Variants in ITGBL1 observed in about 807,000 individuals in gnomAD.
ITGBL1 encodes the protein integrin beta-like protein 1.
A neutral mutation model predicts 68.5 loss-of-function variants in ITGBL1; 51 were observed. That is an observed-to-expected ratio of 0.74 (90% CI 0.59 to 0.94). The LOEUF is 0.94. Among genes scored for constraint, ITGBL1 ranks in the 40% least tolerant of loss-of-function variants. ITGBL1 has a pLI of 0.00. For synonymous variants in ITGBL1, 209 were observed against 227.3 expected (o/e 0.92, Z 0.72); for missense variants, 649 against 647.4 (o/e 1.00, Z -0.03).
At chr13:101,583,117 C>A in intron 5 of ITGBL1, 99 bp from the exon 6 acceptor site, 2 of 1,247,408 alleles carry the variant, frequency 1.6e-6, no homozygotes, top group Non-Finnish European at 1.1e-6. Context: ...GTGTTTTTTT[C>A]AAACACAAAG....
At chr13:101,660,978 A>G (rs1336501233) in intron 7 of ITGBL1, among the ~76,000 whole-genome samples, 6 of 152,234 alleles carry the variant, frequency 3.9e-5, no homozygotes, top group Non-Finnish European at 5.9e-5. Flanking sequence ...CAGATGCTCT[A>G]TAGTCTTTTC....
intron 7 of ITGBL1, among the ~76,000 whole-genome samples, chr13:101,637,255 A>T (rs1280449210): frequency 6.6e-6 from 1 of 151,990 alleles, no homozygotes; most frequent in Non-Finnish European, 1.5e-5. Flanking sequence ...AAATTTGTGT[A>T]TGTATGTAAC....
At chr13:101,508,152 T>C (rs2049055712) in intron 2 of ITGBL1, among the ~76,000 whole-genome samples, 2 of 152,194 alleles carry the variant, frequency 1.3e-5, no homozygotes, top group Non-Finnish European at 2.9e-5. Flanking sequence ...TGTAATTATT[T>C]ATTTATGTCT....
intron 7 of ITGBL1, among the ~76,000 whole-genome samples, chr13:101,648,486 GT>G (rs1318549541): frequency 1.3e-5 from 2 of 152,152 alleles, no homozygotes; most frequent in Non-Finnish European, 2.9e-5. Context: ...CTTTCTCCCA[GT>G]GATCGAGGAC....
chr13:101,679,035 T>C (rs2033577834), intron 7 of ITGBL1, among the ~76,000 whole-genome samples: 1 of 151,960 alleles, frequency 6.6e-6, no homozygotes, highest in African/African-American at 2.4e-5. Context: ...GCCTCCCAAG[T>C]AGCTAGGATT....
intron 6 of ITGBL1, among the ~76,000 whole-genome samples, chr13:101,585,931 GA>G (rs2050548730): frequency 6.6e-6 from 1 of 152,152 alleles, no homozygotes; most frequent in Non-Finnish European, 1.5e-5. Flanking sequence ...GACTGGGGTT[GA>G]AAAATTCAAA....
At chr13:101,673,461 T>C (rs2033425779) in intron 7 of ITGBL1, among the ~76,000 whole-genome samples, 2 of 152,160 alleles carry the variant, frequency 1.3e-5, no homozygotes, top group South Asian at 4.1e-4. Context: ...AAGGAGATAT[T>C]TGTGCTATTG....
chr13:101,608,358 A>G (rs539571552), intron 7 of ITGBL1, among the ~76,000 whole-genome samples: 59 of 151,582 alleles, frequency 3.9e-4, no homozygotes, highest in Middle Eastern at 3.4e-3. Context: ...TTTTCATGAT[A>G]CATGCTTTCT....
chr13:101,638,713 G>A (rs1057513898), intron 7 of ITGBL1, among the ~76,000 whole-genome samples: 9 of 152,132 alleles, frequency 5.9e-5, no homozygotes, highest in African/African-American at 2.2e-4. Context: ...CCACCCCCAT[G>A]ATTCAATTAT....
intron 2 of ITGBL1, among the ~76,000 whole-genome samples, chr13:101,463,871 A>G (rs2048348195): frequency 6.6e-6 from 1 of 151,876 alleles, no homozygotes; most frequent in African/African-American, 2.4e-5. Context: ...TAAGAATGCA[A>G]ACTACTGAAG....
intron 6 of ITGBL1, among the ~76,000 whole-genome samples, chr13:101,585,889 A>G (rs1223551572): frequency 6.6e-6 from 1 of 152,188 alleles, no homozygotes; most frequent in African/African-American, 2.4e-5. Flanking sequence ...TCTCTTGTGA[A>G]ATCCATAATT....
intron 4 of ITGBL1, 77 bp downstream of exon 4, chr13:101,575,623 A>C: frequency 4.9e-6 from 7 of 1,432,862 alleles, no homozygotes; most frequent in Non-Finnish European, 6.8e-6. Context: ...TTATCTCTAC[A>C]TAAGTTTCTG....
intron 7 of ITGBL1, among the ~76,000 whole-genome samples, chr13:101,651,188 G>A (rs1297826082): frequency 6.6e-6 from 1 of 152,064 alleles, no homozygotes; most frequent in Non-Finnish European, 1.5e-5. Context: ...GGGTCAAAGG[G>A]TATTTATGCT....
chr13:101,677,499 A>G (rs1358467969), intron 7 of ITGBL1, among the ~76,000 whole-genome samples: 1 of 152,144 alleles, frequency 6.6e-6, no homozygotes, highest in South Asian at 2.1e-4. Context: ...TTTTGGAAAT[A>G]GGGAGGATCA....
intron 6 of ITGBL1, among the ~76,000 whole-genome samples, chr13:101,597,818 CT>C: frequency 6.6e-6 from 1 of 152,188 alleles, no homozygotes; most frequent in East Asian, 1.9e-4. Flanking sequence ...TCCCAAAGTG[CT>C]GGGATTATAG....
At chr13:101,616,024 C>G (rs2031347629) in intron 7 of ITGBL1, among the ~76,000 whole-genome samples, 1 of 152,098 alleles carries the variant, frequency 6.6e-6, no homozygotes, top group African/African-American at 2.4e-5. Context: ...TATTTTATAG[C>G]AGCTCAAATG....
chr13:101,470,722 A>G (rs1484271786), intron 2 of ITGBL1, among the ~76,000 whole-genome samples: 1 of 152,242 alleles, frequency 6.6e-6, no homozygotes, highest in Non-Finnish European at 1.5e-5. Context: ...GAGAATAGCA[A>G]TAGTCTGGAA....
chr13:101,639,058 A>T (rs1367786673), intron 7 of ITGBL1, among the ~76,000 whole-genome samples: 2 of 152,206 alleles, frequency 1.3e-5, no homozygotes, highest in Non-Finnish European at 2.9e-5. Context: ...TTACAAGCAT[A>T]TGGTTTTCTC....
At chr13:101,475,485 A>G (rs1439154292) in intron 2 of ITGBL1, among the ~76,000 whole-genome samples, 2 of 151,774 alleles carry the variant, frequency 1.3e-5, no homozygotes, top group East Asian at 2.0e-4. Context: ...GAGAAGGGGG[A>G]GAGAGAGATC....
Sources: allele counts gnomAD v4.1 joint callset (sites outside exome capture counted in the v4.1 genomes callset), GRCh38; gene constraint gnomAD v4.1.1; transcripts MANE v1.5; gene names NCBI Gene and HGNC (gene_info 2026-07-23, HGNC 2026-07-21).